The following TIAM1 variants were observed in gnomAD, a reference collection of about 807,000 sequenced individuals.
The protein encoded by TIAM1 is rho guanine nucleotide exchange factor TIAM1.
Under a neutral mutation model 163.5 loss-of-function variants are expected in TIAM1, and 65 were observed. That is an observed-to-expected ratio of 0.40 (90% CI 0.33 to 0.49). The LOEUF (loss-of-function observed/expected upper bound fraction) is 0.49. Among genes scored for constraint, TIAM1 ranks in the 20% least tolerant of loss-of-function variants. The pLI, the probability that TIAM1 is intolerant of heterozygous loss-of-function variation, is 0.77. For missense variants in TIAM1, 1,789 were observed against 2,044.7 expected (o/e 0.87, Z 2.41); for synonymous variants, 833 against 810.1 (o/e 1.03, Z -0.48).
intron 2 of TIAM1, among the ~76,000 whole-genome samples, chr21:31,363,706 C>G (rs1390781824): frequency 6.6e-6 from 1 of 152,092 alleles, no homozygotes; most frequent in Non-Finnish European, 1.5e-5. Flanking sequence ...TTCTGTGAAA[C>G]TGCTGATCAC....
At chr21:31,529,120 C>T (rs894186794) in intron 1 of TIAM1, among the ~76,000 whole-genome samples, 15 of 151,588 alleles carry the variant, frequency 9.9e-5, no homozygotes, top group East Asian at 4.0e-4. Flanking sequence ...GGGGTTTCAC[C>T]GTGTTAGCCA....
At chr21:31,288,002 G>A (rs1250032748) in intron 2 of TIAM1, among the ~76,000 whole-genome samples, 2 of 152,086 alleles carry the variant, frequency 1.3e-5, no homozygotes, top group Admixed American at 1.3e-4. Context: ...CATCCTTTGA[G>A]GAAAGAAGGA....
intron 2 of TIAM1, among the ~76,000 whole-genome samples, chr21:31,298,946 C>T (rs563088993): frequency 6.6e-6 from 1 of 152,170 alleles, no homozygotes; most frequent in South Asian, 2.1e-4. Flanking sequence ...TATATCACTC[C>T]GTGTTAAATA....
At chr21:31,354,629 G>A (rs1163624984) in intron 2 of TIAM1, among the ~76,000 whole-genome samples, 1 of 152,118 alleles carries the variant, frequency 6.6e-6, no homozygotes, top group Non-Finnish European at 1.5e-5. Flanking sequence ...GCTCGCAGCT[G>A]AACCACCCAA....
intron 3 of TIAM1, among the ~76,000 whole-genome samples, chr21:31,275,138 A>G (rs1394504690): frequency 4.6e-5 from 7 of 151,984 alleles, no homozygotes; most frequent in African/African-American, 1.5e-4. Context: ...AAAAAAAAAA[A>G]AAAGAATATT....
chr21:31,129,147 T>G (rs1808514893), intron 25 of TIAM1, among the ~76,000 whole-genome samples: 3 of 152,136 alleles, frequency 2.0e-5, no homozygotes, highest in Admixed American at 2.0e-4. Flanking sequence ...TCCATTTGAC[T>G]CTCCAGAGAT....
chr21:31,445,944 A>AT (rs1019042282), intron 2 of TIAM1, among the ~76,000 whole-genome samples: 41 of 151,566 alleles, frequency 2.7e-4, no homozygotes, highest in African/African-American at 9.4e-4. Flanking sequence ...TTTATTTTTT[A>AT]TTTTTTTATT....
intron 2 of TIAM1, among the ~76,000 whole-genome samples, chr21:31,413,805 T>C (rs1164606451): frequency 6.6e-6 from 1 of 152,146 alleles, no homozygotes; most frequent in African/African-American, 2.4e-5. Flanking sequence ...ACCAACCAGA[T>C]GCCATCTCCT....
At chr21:31,195,445 CA>C (rs1185955346) in intron 12 of TIAM1, 140 bp from the exon 13 acceptor site, 2 of 620,924 alleles carry the variant, frequency 3.2e-6, no homozygotes, top group Non-Finnish European at 5.5e-6. Context: ...AAACGAAACT[CA>C]TTAAAAGTAA....
chr21:31,535,262 T>A (rs1317968336), intron 1 of TIAM1, among the ~76,000 whole-genome samples: 1 of 149,618 alleles, frequency 6.7e-6, no homozygotes, highest in Non-Finnish European at 1.5e-5. Flanking sequence ...GCGCCTGTAG[T>A]CCCAGCTGCT....
intron 2 of TIAM1, among the ~76,000 whole-genome samples, chr21:31,292,960 A>G (rs2074086626): frequency 6.6e-6 from 1 of 152,138 alleles, no homozygotes; most frequent in African/African-American, 2.4e-5. Flanking sequence ...AAGTGCTGGG[A>G]TTACAGGCGC....
intron 2 of TIAM1, among the ~76,000 whole-genome samples, chr21:31,377,837 G>GAA (rs375197332): frequency 7.6e-5 from 10 of 131,938 alleles, no homozygotes; most frequent in South Asian, 4.9e-4. Flanking sequence ...TGAGGAATAA[G>GAA]AAAAAAAAAA....
chr21:31,365,454 T>G (rs2076487131), intron 2 of TIAM1, among the ~76,000 whole-genome samples: 1 of 148,856 alleles, frequency 6.7e-6, no homozygotes, highest in African/African-American at 2.5e-5. Flanking sequence ...AGGGGCATGA[T>G]CTCGGCTCAC....
At chr21:31,305,427 A>AT (rs1384045074) in intron 2 of TIAM1, among the ~76,000 whole-genome samples, 1 of 152,034 alleles carries the variant, frequency 6.6e-6, no homozygotes, top group African/African-American at 2.4e-5. Flanking sequence ...AAAAATAAAA[A>AT]AAAAAAAAAA....
intron 1 of TIAM1, among the ~76,000 whole-genome samples, chr21:31,530,621 C>A (rs2047939206): frequency 6.6e-6 from 1 of 152,230 alleles, no homozygotes; most frequent in Admixed American, 6.5e-5. Flanking sequence ...ATGAGCCCCC[C>A]TGGTGGGCAC....
chr21:31,438,569 G>A (rs958116645), intron 2 of TIAM1, among the ~76,000 whole-genome samples: 1 of 152,088 alleles, frequency 6.6e-6, no homozygotes, highest in African/African-American at 2.4e-5. Context: ...GAAAAGATCT[G>A]TGCACAAACG....
chr21:31,172,480 A>G (rs2084560139), intron 15 of TIAM1, among the ~76,000 whole-genome samples: 1 of 152,192 alleles, frequency 6.6e-6, no homozygotes, highest in South Asian at 2.1e-4. Context: ...ACAAAGCACG[A>G]CAGCTCTGCT....
rs147092245 is a variant in TIAM1, at chr21:31,225,089, G to A, written c.1809+637C>T. Among the ~76,000 whole-genome samples the A allele has an allele frequency of 4.0e-3, 605 of 151,974 alleles. 3 individuals carry two copies. The highest frequency in any genetic ancestry group is 0.014 in the African/African-American group (570 of 41,434). On this transcript the variant is annotated intron_variant, in intron 7 of 27. Coordinates refer to ENST00000541036, the MANE Select transcript of TIAM1 (RefSeq NM_001353694.2). ...GGCTGGAGTGCAATGGCACAATCTTGGCCCACCGCACCCTCTGCCTCCCAG... is the reference window on the plus strand; with the variant it reads ...GGCTGGAGTGCAATGGCACAATCTTAGCCCACCGCACCCTCTGCCTCCCAG...
chr21:31,191,299 G>A (rs1415936254), intron 13 of TIAM1, among the ~76,000 whole-genome samples: 3 of 152,080 alleles, frequency 2.0e-5, no homozygotes, highest in African/African-American at 7.2e-5. Context: ...GGGACTACAG[G>A]TGTGTGTCAC....
Sources: gnomAD v4.1 joint callset for allele counts (sites outside exome capture counted in the v4.1 genomes callset) on GRCh38, gnomAD v4.1.1 for gene constraint, MANE v1.5 for transcripts, NCBI Gene and HGNC (gene_info 2026-07-23, HGNC 2026-07-21) for gene names.